CADM1: variants seen among roughly 807,000 people sequenced by gnomAD.
The protein encoded by CADM1 is TSLC-1.
Under a neutral mutation model 53.1 loss-of-function variants are expected in CADM1, and 15 were observed. The ratio of observed to expected loss-of-function variants is 0.28; its 90% confidence interval spans 0.19 to 0.44. The LOEUF (loss-of-function observed/expected upper bound fraction) is 0.44. CADM1 is among the 20% of genes least tolerant of loss of function. CADM1 has a pLI of 1.00. For missense variants in CADM1, 434 were observed against 611.3 expected (o/e 0.71, Z 3.06); for synonymous variants, 281 against 243.0 (o/e 1.16, Z -1.45).
At position 115,227,835 on chromosome 11, in the gene CADM1, C is replaced by A. The variant is rs557556746; in HGVS notation, c.721+1278G>T. Among the ~76,000 whole-genome samples, 3 of 152,320 alleles carry A rather than the reference C, an allele frequency of 2.0e-5. No individual in the cohort carries two copies. The South Asian group carries it at 6.2e-4, about 32-fold the overall frequency. ...TAACTTTTCCTGCCTTCCCATTTTG[C>A]TCAGATCATTTAGACAAATAATAGG... On this transcript the variant is annotated intron_variant, in intron 5 of 11. Transcript: ENST00000331581.
intron 1 of CADM1, among the ~76,000 whole-genome samples, chr11:115,253,697 A>G (rs1942681516): frequency 6.6e-6 from 1 of 152,206 alleles, no homozygotes; most frequent in Admixed American, 6.5e-5. Flanking sequence ...TACTCATCAC[A>G]GCGGAAAACT....
At chr11:115,271,293 T>C (rs1943290532) in intron 1 of CADM1, among the ~76,000 whole-genome samples, 1 of 152,112 alleles carries the variant, frequency 6.6e-6, no homozygotes, top group Non-Finnish European at 1.5e-5. Flanking sequence ...GTTGTTGTTG[T>C]TGTTTTTGAG....
chr11:115,317,120 A>C (rs538873492), intron 1 of CADM1, among the ~76,000 whole-genome samples: 1 of 152,312 alleles, frequency 6.6e-6, no homozygotes, highest in South Asian at 2.1e-4. Flanking sequence ...ACTTTTAAAA[A>C]CTATAAAGGA....
rs139604912 is a variant in CADM1 at position 115,214,681 on chromosome 11, A to G, written c.921T>C (p.Asp307=). The change falls in exon 7 of 12, where the codon GAT becomes GAC. Residue 307 remains aspartate, a synonymous_variant. Transcript: ENST00000331581. The part of the protein sequence containing the change: ...NLFINNLNKT[D]NGTYRCEASN... ...AAGCTTCACAGCGGTATGTACCATT[A>G]TCTGTTTTGTTTAGGTTATTGATGA... 3,848 of 1,614,050 alleles carry G rather than the reference A, an allele frequency of 2.4e-3. 14 individuals are homozygous for G. The highest frequency in any genetic ancestry group is 4.8e-3 in the Middle Eastern group (29 of 6,060).
rs184229124 is a variant in CADM1 at position 115,466,338 on chromosome 11, C to T, written c.124+37933G>A. On this transcript the variant is annotated intron_variant, in intron 1 of 11. Transcript: ENST00000331581. ...TCAACATCAATGTACTCAGCATTATCTACCAATTAGTAAACCGGAAAATAT... is the reference window on the plus strand; with the variant it reads ...TCAACATCAATGTACTCAGCATTATTTACCAATTAGTAAACCGGAAAATAT... 5.6e-3 allele frequency among the ~76,000 whole-genome samples: 852 copies of T among 152,308 alleles called. 4 individuals are homozygous for T. Among genetic ancestry groups the T allele is most frequent in the Non-Finnish European group, 8.4e-3 (570 of 68,010 alleles).
intron 1 of CADM1, among the ~76,000 whole-genome samples, chr11:115,379,877 A>G (rs1193508105): frequency 6.6e-6 from 1 of 152,208 alleles, no homozygotes; most frequent in African/African-American, 2.4e-5. Flanking sequence ...TATCTTTAAT[A>G]CTATTTGTTT....
chr11:115,177,251 A>C (rs542686042), intron 11 of CADM1, among the ~76,000 whole-genome samples: 2 of 152,196 alleles, frequency 1.3e-5, no homozygotes, highest in Non-Finnish European at 2.9e-5. Flanking sequence ...CTCTCATCGT[A>C]TAACTCTAGC....
At chr11:115,270,278 C>G (rs1278551535) in intron 1 of CADM1, among the ~76,000 whole-genome samples, 1 of 152,218 alleles carries the variant, frequency 6.6e-6, no homozygotes, top group Non-Finnish European at 1.5e-5. Context: ...GCAACACAAA[C>G]TGTCCTGATT....
At chr11:115,268,841 G>A (rs1178248116) in intron 1 of CADM1, among the ~76,000 whole-genome samples, 1 of 152,100 alleles carries the variant, frequency 6.6e-6, no homozygotes, top group Admixed American at 6.5e-5. Flanking sequence ...AGAGTACAAG[G>A]AATTTGACTT....
chr11:115,462,879 T>A (rs1029866970), intron 1 of CADM1, among the ~76,000 whole-genome samples: 4 of 151,510 alleles, frequency 2.6e-5, no homozygotes, highest in Non-Finnish European at 5.9e-5. Context: ...GGCAGTGGGA[T>A]CAAGAATAGA....
At chr11:115,416,608 A>G (rs1947603224) in intron 1 of CADM1, among the ~76,000 whole-genome samples, 1 of 152,020 alleles carries the variant, frequency 6.6e-6, no homozygotes. Flanking sequence ...TTTCAGACTC[A>G]GCATACAGTC....
At chr11:115,180,395 C>T (rs1291992855) in intron 10 of CADM1, among the ~76,000 whole-genome samples, 5 of 152,234 alleles carry the variant, frequency 3.3e-5, no homozygotes, top group Middle Eastern at 6.8e-3. Flanking sequence ...CCCAGGACAA[C>T]AGGATGATGG....
chr11:115,315,339 AC>A lies in CADM1; in HGVS notation c.125-74920del, dbSNP rs544249667. 1.5e-3 allele frequency among the ~76,000 whole-genome samples: 228 copies of A among 152,322 alleles called. 1 individual carries two copies. The highest frequency in any genetic ancestry group is 0.012 in the Admixed American group (188 of 15,292). On this transcript the variant is annotated intron_variant, in intron 1 of 11. Coordinates refer to ENST00000331581, the MANE Select transcript of CADM1 (RefSeq NM_001301043.2). ...GCAAAAGGACAGGATGGGACACGAC[AC>A]ATTTTCATTGTGGAGAACTACAAAG...
intron 1 of CADM1, among the ~76,000 whole-genome samples, chr11:115,435,120 G>C (rs2507872): frequency 0.89 from 134,922 of 151,858 alleles, 60,359 homozygotes; most frequent in Non-Finnish European, 0.95. Flanking sequence ...CTCGGCCCCC[G>C]AAAGTGATGT....
At chr11:115,340,654 A>ATTTTTTT (rs1370287141) in intron 1 of CADM1, among the ~76,000 whole-genome samples, 51 of 52,624 alleles carry the variant, frequency 9.7e-4, no homozygotes, top group African/African-American at 4.3e-3. Flanking sequence ...ATATATATAT[A>ATTTTTTT]TATATTTTTT....
intron 1 of CADM1, among the ~76,000 whole-genome samples, chr11:115,280,092 A>G (rs1943548418): frequency 6.6e-6 from 1 of 152,232 alleles, no homozygotes; most frequent in Admixed American, 6.5e-5. Flanking sequence ...TATCCAGTTA[A>G]GGATGTGAAT....
chr11:115,359,063 T>C (rs976803051), intron 1 of CADM1, among the ~76,000 whole-genome samples: 1 of 152,212 alleles, frequency 6.6e-6, no homozygotes. Flanking sequence ...TATACATACA[T>C]GCATTACCAT....
chr11:115,174,868 T>C lies in CADM1; in HGVS notation c.*1606A>G. On this transcript the variant is annotated 3_prime_UTR_variant, in exon 12 of 12. Coordinates refer to ENST00000331581, the MANE Select transcript of CADM1 (RefSeq NM_001301043.2). The stretch of plus-strand genomic sequence containing the variant: ...AGTTTCTGTCCTTCAGGACTACTTC[T>C]AGATTTCCTAGACGTTTCAGTGAAA... 1 of 985,792 alleles carries C rather than the reference T, an allele frequency of 1.0e-6. No individual in the cohort carries two copies. Among genetic ancestry groups the C allele is most frequent in the Non-Finnish European group, 1.2e-6 (1 of 829,888 alleles). 61.1% of individuals were successfully genotyped at this position (985,792 alleles called of 1,614,324 possible).
At chr11:115,376,212 AG>A (rs1167665890) in intron 1 of CADM1, among the ~76,000 whole-genome samples, 3 of 152,182 alleles carry the variant, frequency 2.0e-5, no homozygotes, top group South Asian at 2.1e-4. Flanking sequence ...ATGGGGAAAT[AG>A]TGCTATAAGC....
Sources: allele counts gnomAD v4.1 joint callset (sites outside exome capture counted in the v4.1 genomes callset), GRCh38; gene constraint gnomAD v4.1.1; transcripts MANE v1.5; gene names NCBI Gene and HGNC (gene_info 2026-07-23, HGNC 2026-07-21).